Variants in CTDP1 observed in about 807,000 individuals in gnomAD.
CTDP1 encodes CTD phosphatase 1.
CTDP1 carries 47 observed loss-of-function variants against 91.8 expected under a neutral mutation model. The observed-to-expected ratio is 0.51, with a 90% CI of 0.41 to 0.65. The LOEUF is 0.65. CTDP1 is among the 30% of genes least tolerant of loss of function. The pLI is 0.00. For missense variants in CTDP1, 1,272 were observed against 1,373.7 expected (o/e 0.93, Z 1.17); for synonymous variants, 656 against 598.5 (o/e 1.10, Z -1.40).
At chr18:79,743,730 A>G (rs578050995) in intron 12 of CTDP1, among the ~76,000 whole-genome samples, 6 of 152,366 alleles carry the variant, frequency 3.9e-5, no homozygotes, top group African/African-American at 1.4e-4. Flanking sequence ...TTAGGCCAGC[A>G]TGAGTCCAAA....
intron 1 of CTDP1, chr18:79,680,966 GC>G (rs2085352224): frequency 6.6e-6 from 1 of 152,300 alleles, no homozygotes; most frequent in Non-Finnish European, 1.5e-5. Flanking sequence ...ACGCGTGTGC[GC>G]CTGGCTCTGG....
chr18:79,698,087 T>C, intron 4 of CTDP1, 99 bp downstream of exon 4: 1 of 1,516,730 alleles, frequency 6.6e-7, no homozygotes. Context: ...TGATTTCCCG[T>C]AGGTCAGCCT....
rs1239470553 is a variant in CTDP1, at chr18:79,701,075, A to G, written c.621+3087A>G. On this transcript the variant is annotated intron_variant, in intron 4 of 12. Coordinates refer to ENST00000613122, the MANE Select transcript of CTDP1 (RefSeq NM_004715.5). Reference sequence around the variant, plus strand: ...ATTCTTCTAAGAAATATTCCTGCTCATTGACCATGCACCTGGTCACCCAAG... The same window carrying G: ...ATTCTTCTAAGAAATATTCCTGCTCGTTGACCATGCACCTGGTCACCCAAG... Among the ~76,000 whole-genome samples, 3 of 152,334 alleles carry G rather than the reference A, an allele frequency of 2.0e-5. No homozygotes were observed. In the East Asian group the frequency reaches 5.8e-4, roughly 29 times the overall value.
intron 1 of CTDP1, among the ~76,000 whole-genome samples, chr18:79,687,091 C>T (rs372274015): frequency 1.2e-5 from 1 of 81,310 alleles, no homozygotes; most frequent in Admixed American, 1.2e-4. Context: ...CAGTTGGCTT[C>T]GTCAGTTCAC....
At chr18:79,692,291 G>C (rs2085642313) in intron 1 of CTDP1, among the ~76,000 whole-genome samples, 1 of 152,110 alleles carries the variant, frequency 6.6e-6, no homozygotes, top group Non-Finnish European at 1.5e-5. Flanking sequence ...GCCCGCCATG[G>C]AGTTTTCTGG....
chr18:79,728,873 C>G (rs369174290), intron 10 of CTDP1, 34 bp from the exon 11 acceptor site: 1 of 1,612,516 alleles, frequency 6.2e-7, no homozygotes, highest in Non-Finnish European at 8.5e-7. Context: ...TCGAACTGAC[C>G]TTCCTCATGT....
chr18:79,700,272 T>G (rs182844831), intron 4 of CTDP1, among the ~76,000 whole-genome samples: 60 of 152,306 alleles, frequency 3.9e-4, no homozygotes, highest in South Asian at 8.3e-4. Context: ...TAGTGAGGAA[T>G]GCACGCCAGA....
intron 12 of CTDP1, among the ~76,000 whole-genome samples, chr18:79,740,234 C>A (rs999650728): frequency 6.6e-6 from 1 of 152,164 alleles, no homozygotes; most frequent in African/African-American, 2.4e-5. Context: ...CTGCCTGCAC[C>A]ACGCCTGCCG....
chr18:79,682,291 A>G (rs941988964), intron 1 of CTDP1, among the ~76,000 whole-genome samples: 2 of 152,190 alleles, frequency 1.3e-5, no homozygotes, highest in Non-Finnish European at 2.9e-5. Flanking sequence ...GAAAATTACT[A>G]GATTCAGTCA....
intron 12 of CTDP1, among the ~76,000 whole-genome samples, chr18:79,742,578 C>T (rs144905682): frequency 2.5e-3 from 378 of 152,382 alleles, no homozygotes; most frequent in Non-Finnish European, 4.4e-3. Flanking sequence ...ACGAGGAATG[C>T]AGATTATGTA....
chr18:79,728,346 T>C (rs522934), intron 10 of CTDP1, among the ~76,000 whole-genome samples: 115,189 of 152,056 alleles, frequency 0.76, 43,882 homozygotes, highest in Middle Eastern at 0.8. Context: ...GTGATCCACC[T>C]GCCTCGGCCT....
intron 1 of CTDP1, among the ~76,000 whole-genome samples, chr18:79,694,251 T>G: frequency 7.6e-6 from 1 of 131,798 alleles, no homozygotes; most frequent in African/African-American, 2.9e-5. Flanking sequence ...GGGATGGGAG[T>G]GTGGGGGCTA....
chr18:79,682,942 T>C (rs963542168), intron 1 of CTDP1: 3 of 152,266 alleles, frequency 2.0e-5, no homozygotes, highest in Admixed American at 1.3e-4. Flanking sequence ...GTGAAGAGCA[T>C]CTGCCTTCCT....
intron 1 of CTDP1, among the ~76,000 whole-genome samples, chr18:79,693,247 TTTTTTG>T (rs533161824): frequency 1.2e-4 from 18 of 152,150 alleles, no homozygotes; most frequent in Non-Finnish European, 2.4e-4. Context: ...TTTGTGCGTT[TTTTTTG>T]TTTTTGTTTT....
At chr18:79,683,925 T>G (rs900228757) in intron 1 of CTDP1, among the ~76,000 whole-genome samples, 1 of 152,120 alleles carries the variant, frequency 6.6e-6, no homozygotes, top group African/African-American at 2.4e-5. Context: ...GACCGGGGGG[T>G]GCCTACCCAC....
rs144945160 is a variant in CTDP1, at chr18:79,684,144, G to A, written c.314+3883G>A. ...AAGGTGGCTCTTGACCCCACTGGCC[G>A]CCGGCTGCTTGACAGTAACTTGTTT... On this transcript the variant is annotated intron_variant, in intron 1 of 12. Transcript: ENST00000613122. Among the ~76,000 whole-genome samples the A allele has an allele frequency of 4.1e-3, 622 of 152,302 alleles. 8 individuals are homozygous for A. The highest frequency in any genetic ancestry group is 0.014 in the African/African-American group (569 of 41,556).
chr18:79,725,082 C>T (rs961410956), intron 10 of CTDP1, among the ~76,000 whole-genome samples: 20 of 152,308 alleles, frequency 1.3e-4, no homozygotes, highest in African/African-American at 4.6e-4. Context: ...CTTCTTTTGC[C>T]TGTCAGTATG....
At chr18:79,695,730 T>C (rs944101661) in intron 2 of CTDP1, among the ~76,000 whole-genome samples, 2 of 152,208 alleles carry the variant, frequency 1.3e-5, no homozygotes, top group African/African-American at 4.8e-5. Flanking sequence ...TCTGTGTGAC[T>C]TTGCAGTTTG....
upstream of CTDP1, chr18:79,678,989 C>T (rs181426966): frequency 2.2e-5 from 5 of 229,922 alleles, no homozygotes; most frequent in African/African-American, 9.6e-5. Flanking sequence ...GCCGCCCGCC[C>T]GCCAGCTTAA....
Sources: gnomAD v4.1 joint callset for allele counts (sites outside exome capture counted in the v4.1 genomes callset) on GRCh38, gnomAD v4.1.1 for gene constraint, MANE v1.5 for transcripts, NCBI Gene and HGNC (gene_info 2026-07-23, HGNC 2026-07-21) for gene names.